Variants in HOMER1 observed in about 807,000 individuals in gnomAD.
The protein encoded by HOMER1 is homer protein homolog 1.
A neutral mutation model predicts 48.9 loss-of-function variants in HOMER1; 3 were observed. The ratio of observed to expected loss-of-function variants is 0.06; its 90% CI spans 0.03 to 0.16. HOMER1 has a LOEUF of 0.16. Ranked by LOEUF, HOMER1 falls within the 10% of genes least tolerant of loss-of-function variation. The pLI, the probability that HOMER1 is intolerant of heterozygous loss-of-function variation, is 1.00. For missense variants in HOMER1, 247 were observed against 411.4 expected (o/e 0.60, Z 3.46); for synonymous variants, 134 against 146.4 (o/e 0.92, Z 0.61).
intron 1 of HOMER1, among the ~76,000 whole-genome samples, chr5:79,505,832 T>C (rs921041970): frequency 1.1e-4 from 16 of 152,138 alleles, no homozygotes; most frequent in African/African-American, 3.9e-4. Flanking sequence ...CCTTTAGTAG[T>C]CTACCTTAAT....
At chr5:79,510,739 C>T (rs950177119) in intron 1 of HOMER1, 10 of 775,350 alleles carry the variant, frequency 1.3e-5, no homozygotes, top group African/African-American at 1.0e-4. Flanking sequence ...CCACCCCAAG[C>T]TTGGGAAGCA....
rs1752702873 is a variant in HOMER1, at chr5:79,504,807, A to G, written c.5+7963T>C. Reference sequence around the variant, plus strand: ...AGAAAAATAATTGGTATATCCAACTATCGGCCTAATTGCTAGAAATCAGGA... The same window carrying G: ...AGAAAAATAATTGGTATATCCAACTGTCGGCCTAATTGCTAGAAATCAGGA... On this transcript the variant is annotated intron_variant, in intron 1 of 8. Coordinates refer to ENST00000334082, the MANE Select transcript of HOMER1 (RefSeq NM_004272.5). Among the ~76,000 whole-genome samples, 3 of 152,254 alleles carry G rather than the reference A, an allele frequency of 2.0e-5. No individual in the cohort carries two copies. The South Asian group carries it at 6.2e-4, about 32-fold the overall frequency.
At chr5:79,421,769 T>G (rs1051687965) in intron 5 of HOMER1, among the ~76,000 whole-genome samples, 12 of 152,166 alleles carry the variant, frequency 7.9e-5, no homozygotes, top group African/African-American at 2.9e-4. Flanking sequence ...CATGCCCAGC[T>G]AATTTTTTTG....
intron 1 of HOMER1, chr5:79,510,305 C>T (rs1752903169): frequency 1.0e-5 from 4 of 383,906 alleles, no homozygotes; most frequent in Middle Eastern, 8.5e-4. Context: ...ATTAATTATG[C>T]TAAGTGTCTA....
intron 5 of HOMER1, among the ~76,000 whole-genome samples, chr5:79,432,194 C>T (rs1189239031): frequency 6.6e-6 from 1 of 152,186 alleles, no homozygotes; most frequent in Non-Finnish European, 1.5e-5. Context: ...AGGAAAAAAA[C>T]ATTCTTCTCT....
At chr5:79,376,340 A>G (rs1053519140) in intron 8 of HOMER1, 143 bp from the exon 9 acceptor site, 6 of 627,424 alleles carry the variant, frequency 9.6e-6, no homozygotes, top group Middle Eastern at 3.1e-4. Flanking sequence ...AGCACAATTT[A>G]AGGAGATTTT....
At chr5:79,434,420 AC>A (rs1750515146) in intron 5 of HOMER1, among the ~76,000 whole-genome samples, 1 of 152,128 alleles carries the variant, frequency 6.6e-6, no homozygotes, top group African/African-American at 2.4e-5. Context: ...TGGAAAGAGA[AC>A]AAAACCTTCC....
chr5:79,484,993 C>G (rs151253848), intron 1 of HOMER1, among the ~76,000 whole-genome samples: 124 of 152,264 alleles, frequency 8.1e-4, no homozygotes, highest in Non-Finnish European at 1.5e-3. Context: ...TACCTCACTT[C>G]CGAAAGTCTA....
At chr5:79,380,205 A>G (rs1437101958) in intron 8 of HOMER1, among the ~76,000 whole-genome samples, 1 of 152,138 alleles carries the variant, frequency 6.6e-6, no homozygotes, top group African/African-American at 2.4e-5. Context: ...GTCATGGGAA[A>G]ATCTCTTGGC....
chr5:79,453,292 A>G (rs1051327874), intron 2 of HOMER1, among the ~76,000 whole-genome samples: 2 of 152,120 alleles, frequency 1.3e-5, no homozygotes, highest in Non-Finnish European at 2.9e-5. Context: ...TTTATACGTG[A>G]CCCTAATAAC....
intron 5 of HOMER1, among the ~76,000 whole-genome samples, chr5:79,423,635 A>C (rs1051873692): frequency 2.6e-5 from 4 of 152,100 alleles, no homozygotes; most frequent in Non-Finnish European, 4.4e-5. Flanking sequence ...TCGGTGTTTT[A>C]ATGATTATAA....
intron 5 of HOMER1, among the ~76,000 whole-genome samples, chr5:79,434,415 A>T (rs1309291812): frequency 6.6e-6 from 1 of 152,160 alleles, no homozygotes; most frequent in Non-Finnish European, 1.5e-5. Flanking sequence ...TTCCCTGGAA[A>T]GAGAACAAAA....
intron 1 of HOMER1, 142 bp from the exon 2 acceptor site, chr5:79,457,160 A>G (rs1204116200): frequency 2.7e-6 from 2 of 748,748 alleles, no homozygotes; most frequent in African/African-American, 3.5e-5. Context: ...TCAAATTTGC[A>G]TATTCTAAGT....
At chr5:79,400,109 A>G (rs1209207346) in intron 6 of HOMER1, among the ~76,000 whole-genome samples, 1 of 151,978 alleles carries the variant, frequency 6.6e-6, no homozygotes, top group Non-Finnish European at 1.5e-5. Context: ...TAAAAAACAT[A>G]TATCATAAAA....
intron 1 of HOMER1, among the ~76,000 whole-genome samples, chr5:79,487,419 A>C (rs1752141455): frequency 6.6e-6 from 1 of 152,258 alleles, no homozygotes; most frequent in African/African-American, 2.4e-5. Flanking sequence ...GTAACGCAAC[A>C]GGCAAGAAGC....
At chr5:79,408,916 T>C (rs1749740165) in intron 5 of HOMER1, among the ~76,000 whole-genome samples, 1 of 150,460 alleles carries the variant, frequency 6.6e-6, no homozygotes, top group Non-Finnish European at 1.5e-5. Context: ...AACCCGTCTC[T>C]ACTAAAAATA....
At chr5:79,387,215 C>A (rs1271881504) in intron 8 of HOMER1, among the ~76,000 whole-genome samples, 1 of 151,992 alleles carries the variant, frequency 6.6e-6, no homozygotes. Flanking sequence ...GCAGCCTCAA[C>A]CTTCTGGGCT....
At chr5:79,461,563 G>A (rs184076836) in intron 1 of HOMER1, among the ~76,000 whole-genome samples, 82 of 152,126 alleles carry the variant, frequency 5.4e-4, no homozygotes, top group African/African-American at 1.5e-3. Flanking sequence ...GAAGTTCTGC[G>A]GTAAAGAAAC....
At chr5:79,473,343 C>T (rs957075682) in intron 1 of HOMER1, among the ~76,000 whole-genome samples, 2 of 152,012 alleles carry the variant, frequency 1.3e-5, no homozygotes, top group African/African-American at 4.8e-5. Flanking sequence ...TTTTTTTAAG[C>T]TCCTCATTTA....
Sources: gnomAD v4.1 joint callset for allele counts (sites outside exome capture counted in the v4.1 genomes callset) on GRCh38, gnomAD v4.1.1 for gene constraint, MANE v1.5 for transcripts, NCBI Gene and HGNC (gene_info 2026-07-23, HGNC 2026-07-21) for gene names.